ANAPC11: variants seen among roughly 807,000 people sequenced by gnomAD.
ANAPC11 encodes anaphase promoting complex subunit 11.
In ANAPC11, 5 loss-of-function variants were observed where a neutral mutation model predicts 11.8. The ratio of observed to expected loss-of-function variants is 0.42; its 90% CI spans 0.22 to 0.89. The LOEUF is 0.89. Ranked by LOEUF, ANAPC11 falls within the 40% of genes least tolerant of loss-of-function variation. The pLI is 0.28. For synonymous variants in ANAPC11, 45 were observed against 41.0 expected (o/e 1.10, Z -0.38); for missense variants, 68 against 112.9 (o/e 0.60, Z 1.80).
upstream of ANAPC11, chr17:81,891,473 G>C: frequency 8.7e-7 from 1 of 1,143,976 alleles, no homozygotes. Context: ...CGGCCCGGCC[G>C]CGGCCCCGGC....
At chr17:81,891,357 C>A, upstream of ANAPC11, 1 of 1,156,332 alleles carries the variant, frequency 8.6e-7, no homozygotes, top group South Asian at 2.9e-5. Flanking sequence ...CCTGCCGCCT[C>A]CGCCGGCCGC....
intron 3 of ANAPC11, among the ~76,000 whole-genome samples, chr17:81,895,527 G>A (rs1349202442): frequency 1.3e-5 from 2 of 152,226 alleles, no homozygotes; most frequent in Admixed American, 6.5e-5. Context: ...GTCAAGAGAT[G>A]GAGGCCGGCA....
chr17:81,899,753 CAGG>C (rs2039876909), intron 3 of ANAPC11, 164 bp from the exon 4 acceptor site: 1 of 958,844 alleles, frequency 1.0e-6, no homozygotes, highest in Non-Finnish European at 1.5e-6. Context: ...GCGGGCTGGT[CAGG>C]AGACCGATTG....
chr17:81,891,315 G>A (rs1428021804), upstream of ANAPC11: 33 of 1,152,580 alleles, frequency 2.9e-5, no homozygotes, highest in East Asian at 1.4e-4. Flanking sequence ...GCCGGCCTCC[G>A]CACTCACCCT....
chr17:81,893,124 T>A, intron 1 of ANAPC11: 1 of 152,110 alleles, frequency 6.6e-6, no homozygotes, highest in Non-Finnish European at 1.5e-5. Context: ...TTCCTGTGGC[T>A]CAGCTTCCCG....
At chr17:81,891,707 T>A, upstream of ANAPC11, 2 of 917,616 alleles carry the variant, frequency 2.2e-6, no homozygotes, top group African/African-American at 1.8e-5. Context: ...CGGGACGGGG[T>A]GAGGCGGGGA....
In ANAPC11 at chr17:81,893,536, T is replaced by C. The variant is rs1424882907; in HGVS notation, c.-74-16T>C. ...TGAGCCACCACCTGCGGCTAATTTT[T>C]TTGTATTTTTTGTAGAGACGGAGTT... On this transcript the variant is annotated splice_polypyrimidine_tract_variant and intron_variant, in intron 1 of 3. Transcript: ENST00000344877. The C allele has an allele frequency of 6.6e-6, 1 of 152,020 alleles. No individual in the cohort carries two copies. The highest frequency in any genetic ancestry group is 1.5e-5 in the Non-Finnish European group (1 of 68,004). The allele number at this position is 152,020 out of a possible 1,614,324, so 9.4% of individuals were successfully genotyped here.
chr17:81,899,960 G>C lies in ANAPC11; in HGVS notation c.150G>C (p.Gln50His). 1 of 1,612,764 alleles carries C rather than the reference G, an allele frequency of 6.2e-7. No individual in the cohort carries two copies. Among genetic ancestry groups the C allele is most frequent in the Non-Finnish European group, 8.5e-7 (1 of 1,179,666 alleles). The change falls in exon 4 of 4, where the codon CAG (glutamine) becomes CAC (histidine). Residue 50 changes from glutamine to histidine, a missense_variant. Transcript: ENST00000344877. The part of the protein sequence containing the change: ...PGDDCPLVWG[Q>H]CSHCFHMHCI... Reference sequence around the variant, plus strand: ...ACGACTGCCCGCTGGTGTGGGGCCAGTGCTCCCACTGCTTCCACATGCATT... The same window carrying C: ...ACGACTGCCCGCTGGTGTGGGGCCACTGCTCCCACTGCTTCCACATGCATT...
At chr17:81,891,638 T>G, upstream of ANAPC11, 1 of 1,309,302 alleles carries the variant, frequency 7.6e-7, no homozygotes, top group African/African-American at 1.6e-5. Context: ...GCGTGAGGCC[T>G]TCCGGTGCCA....
At chr17:81,899,710 T>C (rs1353446281) in intron 3 of ANAPC11, 4 of 973,194 alleles carry the variant, frequency 4.1e-6, no homozygotes, top group Non-Finnish European at 6.0e-6. Context: ...GCATGTCCGG[T>C]GTCCCTTGGT....
Position 81,891,752 on chromosome 17 carries a change from C to A in ANAPC11, c.-164C>A, listed in dbSNP as rs976821217. 50 of 463,348 alleles carry A rather than the reference C, an allele frequency of 1.1e-4. No homozygotes were observed. Among genetic ancestry groups the A allele is most frequent in the Admixed American group, 1.7e-4 (3 of 17,764 alleles). The allele number at this position is 463,348 out of a possible 1,614,324, so 28.7% of individuals were successfully genotyped here. A position where few individuals can be genotyped will look rare whatever the true frequency, so the allele number is the denominator to read the frequency against. On this transcript the variant is annotated 5_prime_UTR_variant, in exon 1 of 4. Transcript: ENST00000344877. ...GCACTGGCGTGCGAGACTCGGCGGG[C>A]GCTGTTGAGGGAGTCGGGCCGCGAC...
At chr17:81,899,577 C>T (rs761037944) in intron 3 of ANAPC11, 46 of 1,593,902 alleles carry the variant, frequency 2.9e-5, no homozygotes, top group Admixed American at 1.7e-4. Context: ...GCCTCAAGCA[C>T]AGGGGACACA....
intron 3 of ANAPC11, chr17:81,898,148 C>G (rs1207596386): frequency 1.3e-5 from 2 of 152,268 alleles, no homozygotes; most frequent in African/African-American, 4.8e-5. Flanking sequence ...AAGGATGTAA[C>G]AAAGAGTGCG....
intron 3 of ANAPC11, chr17:81,894,980 A>G (rs2039685921): frequency 5.5e-6 from 1 of 180,216 alleles, no homozygotes; most frequent in African/African-American, 2.4e-5. Context: ...AGCCTTCCAA[A>G]GTGCTGGGAT....
At chr17:81,894,635 CCT>C in intron 3 of ANAPC11, 49 bp downstream of exon 3, 1 of 1,331,244 alleles carries the variant, frequency 7.5e-7, no homozygotes, top group Non-Finnish European at 1.1e-6. Flanking sequence ...GTGAGTGTCC[CCT>C]CTGTGCTGTC....
chr17:81,897,913 GC>G (rs1342100696), intron 3 of ANAPC11, among the ~76,000 whole-genome samples: 1 of 152,206 alleles, frequency 6.6e-6, no homozygotes, highest in Non-Finnish European at 1.5e-5. Flanking sequence ...GTGGCGCCTG[GC>G]CCGTACAAAT....
At chr17:81,895,050 C>CTTT (rs766422017) in intron 3 of ANAPC11, among the ~76,000 whole-genome samples, 117 of 85,046 alleles carry the variant, frequency 1.4e-3, no homozygotes, top group African/African-American at 2.4e-3. Flanking sequence ...TCTTTCTTTT[C>CTTT]TTTTTTTTTT....
chr17:81,898,669 C>G (rs2039825301), intron 3 of ANAPC11: 1 of 153,090 alleles, frequency 6.5e-6, no homozygotes, highest in South Asian at 2.1e-4. Context: ...ACCGTGGGAG[C>G]CCGAGGCTGG....
intron 3 of ANAPC11, chr17:81,899,685 C>T (rs1412893810): frequency 9.0e-7 from 1 of 1,111,398 alleles, no homozygotes. Context: ...GCTGCGGTTG[C>T]CCCGGGTGGA....
Sources: allele counts gnomAD v4.1 joint callset (sites outside exome capture counted in the v4.1 genomes callset), GRCh38; gene constraint gnomAD v4.1.1; transcripts MANE v1.5; gene names NCBI Gene and HGNC (gene_info 2026-07-23, HGNC 2026-07-21).